Variants in EOGT observed in about 807,000 individuals in gnomAD.
EOGT encodes the protein EGF domain specific O-linked N-acetylglucosamine transferase, also known as EGF domain-specific O-linked N-acetylglucosamine transferase.
In EOGT, 55 loss-of-function variants were observed where a neutral mutation model predicts 70.5. The observed-to-expected ratio is 0.78, with a 90% confidence interval of 0.63 to 0.98. The LOEUF (loss-of-function observed/expected upper bound fraction) is 0.98, where lower values mean the gene tolerates loss of function less well. Ranked by LOEUF, EOGT falls within the 50% of genes least tolerant of loss-of-function variation. The pLI is 0.00. For synonymous variants in EOGT, 246 were observed against 217.1 expected (o/e 1.13, Z -1.17); for missense variants, 703 against 641.9 (o/e 1.10, Z -1.03).
intron 10 of EOGT, among the ~76,000 whole-genome samples, chr3:68,992,347 G>C (rs950803728): frequency 2.0e-5 from 3 of 152,112 alleles, no homozygotes; most frequent in Non-Finnish European, 4.4e-5. Flanking sequence ...GGGAGAAATT[G>C]GCCAAAACAA....
intron 15 of EOGT, among the ~76,000 whole-genome samples, chr3:68,980,572 T>A (rs2090610659): frequency 6.6e-6 from 1 of 152,184 alleles, no homozygotes; most frequent in Non-Finnish European, 1.5e-5. Context: ...CAGCCCCAAC[T>A]TACCCAAAGT....
intron 3 of EOGT, among the ~76,000 whole-genome samples, 187 bp from the exon 4 acceptor site, chr3:69,010,047 G>C (rs2091538488): frequency 1.3e-5 from 2 of 151,920 alleles, no homozygotes; most frequent in Admixed American, 1.3e-4. Flanking sequence ...CTTGGTGCCA[G>C]GCACCACGTT....
chr3:68,981,955 G>C (rs1818288), intron 15 of EOGT, among the ~76,000 whole-genome samples: 2 of 151,248 alleles, frequency 1.3e-5, no homozygotes, highest in Non-Finnish European at 2.9e-5. Context: ...CACACAGGCC[G>C]GAGTGCAATG....
At chr3:68,981,666 G>A (rs1309543638) in intron 15 of EOGT, among the ~76,000 whole-genome samples, 1 of 152,098 alleles carries the variant, frequency 6.6e-6, no homozygotes, top group Non-Finnish European at 1.5e-5. Flanking sequence ...AAGCCTTTTA[G>A]TTGTGTTAAG....
At chr3:68,982,987 T>C (rs1194229180) in intron 14 of EOGT, 115 bp from the exon 15 acceptor site, 1 of 598,780 alleles carries the variant, frequency 1.7e-6, no homozygotes, top group Non-Finnish European at 2.9e-6. Context: ...TTAAATATCA[T>C]TTGGTAACAA....
At position 69,007,839 on chromosome 3, in the gene EOGT, T is replaced by C. The variant is rs2091478593; in HGVS notation, c.312-18A>G. On this transcript the variant is annotated intron_variant, in intron 5 of 17. Transcript: ENST00000383701. ...TGTCCGTCCTATTTGCAAATAAAAA[T>C]ATTCTGTGTTTTTTTCTTTTTACTT... 2 of 1,550,432 alleles carry C rather than the reference T, an allele frequency of 1.3e-6. No individual in the cohort carries two copies. Among genetic ancestry groups the C allele is most frequent in the Non-Finnish European group, 1.8e-6 (2 of 1,138,740 alleles).
intron 9 of EOGT, among the ~76,000 whole-genome samples, chr3:68,999,799 A>C (rs1301739049): frequency 6.6e-6 from 1 of 152,236 alleles, no homozygotes; most frequent in African/African-American, 2.4e-5. Context: ...AGCAAGCACA[A>C]ATCAGTGCTT....
At chr3:69,008,017 CATAAA>C (rs2091483032) in intron 5 of EOGT, among the ~76,000 whole-genome samples, 196 bp from the exon 6 acceptor site, 1 of 152,166 alleles carries the variant, frequency 6.6e-6, no homozygotes, top group South Asian at 2.1e-4. Context: ...ATTCCTTTAT[CATAAA>C]ATACATAACA....
chr3:69,013,263 G>A (rs994268864), intron 1 of EOGT, among the ~76,000 whole-genome samples: 2 of 151,760 alleles, frequency 1.3e-5, no homozygotes, highest in African/African-American at 4.8e-5. Context: ...GCGCGCCTGG[G>A]AGGGGCCCCG....
chr3:68,983,216 G>T (rs1030112212), intron 14 of EOGT, among the ~76,000 whole-genome samples: 3 of 152,130 alleles, frequency 2.0e-5, no homozygotes, highest in African/African-American at 7.2e-5. Context: ...ATTACCATTT[G>T]CTTATTATTC....
intron 9 of EOGT, among the ~76,000 whole-genome samples, chr3:68,999,772 C>T (rs1386330634): frequency 6.6e-6 from 1 of 152,168 alleles, no homozygotes; most frequent in Non-Finnish European, 1.5e-5. Flanking sequence ...GAGTTCCTAA[C>T]AGTTACTGAG....
intron 3 of EOGT, 146 bp from the exon 4 acceptor site, chr3:69,010,006 G>A (rs1239534807): frequency 3.2e-5 from 21 of 659,120 alleles, no homozygotes; most frequent in African/African-American, 9.2e-5. Context: ...ACTGAATAAT[G>A]ATCCTTTATT....
intron 4 of EOGT, 34 bp downstream of exon 4, chr3:69,009,603 T>C (rs750652337): frequency 1.9e-6 from 3 of 1,546,006 alleles, no homozygotes; most frequent in Non-Finnish European, 1.8e-6. Flanking sequence ...AATTGCATCC[T>C]CATAAAAATA....
At chr3:68,985,883 C>G (rs966900709) in intron 14 of EOGT, among the ~76,000 whole-genome samples, 3 of 152,216 alleles carry the variant, frequency 2.0e-5, no homozygotes, top group Non-Finnish European at 4.4e-5. Flanking sequence ...TCTCACTGGA[C>G]TAACACCAGG....
Position 69,003,542 on chromosome 3 carries a change from C to T in EOGT, c.620+836G>A, listed in dbSNP as rs2091356493. On this transcript the variant is annotated intron_variant, in intron 8 of 17. Transcript: ENST00000383701. Reference sequence around the variant, plus strand: ...TTTGCCTTCTACCATGATTGTGAGGCCTCCCCAGCCATGAGGAACCATGAG... The same window carrying T: ...TTTGCCTTCTACCATGATTGTGAGGTCTCCCCAGCCATGAGGAACCATGAG... Among the ~76,000 whole-genome samples, 5 of 152,166 alleles carry T rather than the reference C, an allele frequency of 3.3e-5. No individual in the cohort carries two copies. In the South Asian group the frequency reaches 1.0e-3, roughly 32 times the overall value.
intron 14 of EOGT, among the ~76,000 whole-genome samples, chr3:68,985,253 C>T (rs2090772703): frequency 6.6e-6 from 1 of 152,168 alleles, no homozygotes; most frequent in Admixed American, 6.6e-5. Context: ...GGTCTTTAAA[C>T]ACACACATAC....
rs111941382 is a variant in EOGT, at chr3:69,008,555, C to A, written c.211-27G>T. ...TAGAACATAAAACTTACATTGATTT[C>A]CCTTCTTCTGACATTTAGAGAAGAC... On this transcript the variant is annotated intron_variant, in intron 4 of 17. Coordinates refer to ENST00000383701, the MANE Select transcript of EOGT (RefSeq NM_001278689.2). The A allele has an allele frequency of 1.1e-3, 1,645 of 1,523,650 alleles. 9 individuals are homozygous for A. Among genetic ancestry groups the A allele is most frequent in the South Asian group, 5.2e-3 (464 of 88,668 alleles). 94.4% of individuals were successfully genotyped at this position (1,523,650 alleles called of 1,614,324 possible). A position where few individuals can be genotyped will look rare whatever the true frequency, so the allele number is the denominator to read the frequency against.
Position 69,000,000 on chromosome 3 carries a change from T to C in EOGT, c.727+1608A>G, listed in dbSNP as rs531970256. 9.2e-5 allele frequency among the ~76,000 whole-genome samples: 14 copies of C among 152,226 alleles called. No homozygotes were observed. The East Asian group carries it at 2.7e-3, about 29-fold the overall frequency. ...ACTTTTGGAGGCCAAGGCAGGGGGA[T>C]CACTTGAGCCCAGGAGTTCAAGACC... On this transcript the variant is annotated intron_variant, in intron 9 of 17. Coordinates refer to ENST00000383701, the MANE Select transcript of EOGT (RefSeq NM_001278689.2).
intron 17 of EOGT, 81 bp downstream of exon 17, chr3:68,978,252 A>G: frequency 9.9e-7 from 1 of 1,012,778 alleles, no homozygotes; most frequent in Non-Finnish European, 1.5e-6. Context: ...CTGAAGTTCA[A>G]TAACCATTTT....
Sources: gnomAD v4.1 joint callset for allele counts (sites outside exome capture counted in the v4.1 genomes callset) on GRCh38, gnomAD v4.1.1 for gene constraint, MANE v1.5 for transcripts, NCBI Gene and HGNC (gene_info 2026-07-23, HGNC 2026-07-21) for gene names.